The following ASIC2 variants were observed in gnomAD, a reference collection of about 807,000 sequenced individuals.
The protein encoded by ASIC2 is acid-sensing ion channel 2.
In ASIC2, 25 loss-of-function variants were observed where a neutral mutation model predicts 57.3. The observed-to-expected ratio is 0.44, with a 90% confidence interval of 0.32 to 0.61. ASIC2 has a LOEUF of 0.61. Ranked by LOEUF, ASIC2 falls within the 20% of genes least tolerant of loss-of-function variation. ASIC2 has a pLI of 0.06. For missense variants in ASIC2, 641 were observed against 738.1 expected, an observed-to-expected ratio of 0.87 and a Z score of 1.52; for synonymous variants, 319 against 307.5, an observed-to-expected ratio of 1.04 and a Z score of -0.39.
At chr17:33,855,940 G>A (rs1471313438) in intron 1 of ASIC2, among the ~76,000 whole-genome samples, 3 of 151,972 alleles carry the variant, frequency 2.0e-5, no homozygotes, top group Non-Finnish European at 2.9e-5. Flanking sequence ...GATATTAAGA[G>A]ATTAAAAAAT....
intron 1 of ASIC2, among the ~76,000 whole-genome samples, chr17:33,638,588 T>G (rs1022494296): frequency 1.3e-5 from 2 of 152,042 alleles, no homozygotes; most frequent in African/African-American, 4.8e-5. Flanking sequence ...ACACAAACAT[T>G]TATTTGTCAT....
chr17:33,831,559 T>C (rs1913111733), intron 1 of ASIC2, among the ~76,000 whole-genome samples: 1 of 150,954 alleles, frequency 6.6e-6, no homozygotes, highest in Non-Finnish European at 1.5e-5. Flanking sequence ...TATTACTTTC[T>C]TAAAATCTTT....
At chr17:33,526,314 G>T (rs572113023) in intron 1 of ASIC2, among the ~76,000 whole-genome samples, 1 of 152,194 alleles carries the variant, frequency 6.6e-6, no homozygotes, top group South Asian at 2.1e-4. Flanking sequence ...CAGGTGCTGG[G>T]GACGTCATTC....
chr17:33,734,269 C>T (rs1218009802), intron 1 of ASIC2, among the ~76,000 whole-genome samples: 1 of 151,134 alleles, frequency 6.6e-6, no homozygotes, highest in African/African-American at 2.4e-5. Flanking sequence ...TGTGGCCAGC[C>T]CTTCTTCCCT....
chr17:33,974,436 AT>A (rs1905311712), intron 1 of ASIC2, among the ~76,000 whole-genome samples: 1 of 151,382 alleles, frequency 6.6e-6, no homozygotes, highest in Non-Finnish European at 1.5e-5. Flanking sequence ...CTATCCCTGG[AT>A]TTTTCCTTGG....
intron 3 of ASIC2, among the ~76,000 whole-genome samples, chr17:33,087,233 C>T (rs150880517): frequency 7.9e-5 from 12 of 152,292 alleles, no homozygotes; most frequent in African/African-American, 2.6e-4. Flanking sequence ...TAGCCTTGAA[C>T]TTTGCCCCTG....
At chr17:33,790,538 T>C (rs982028678) in intron 1 of ASIC2, among the ~76,000 whole-genome samples, 8 of 152,242 alleles carry the variant, frequency 5.3e-5, no homozygotes, top group African/African-American at 1.9e-4. Context: ...TCATTCTCAC[T>C]TTCATTTACA....
chr17:33,917,543 C>T (rs188858634), intron 1 of ASIC2, among the ~76,000 whole-genome samples: 2 of 152,256 alleles, frequency 1.3e-5, no homozygotes, highest in East Asian at 3.9e-4. Context: ...ACTCTTGTTC[C>T]TGCTTTCCTT....
chr17:33,973,415 A>C (rs1905278069), intron 1 of ASIC2, among the ~76,000 whole-genome samples: 1 of 152,204 alleles, frequency 6.6e-6, no homozygotes, highest in Non-Finnish European at 1.5e-5. Flanking sequence ...CTGTGCTTAA[A>C]GAGCCCTGGC....
chr17:34,016,016 C>T (rs1017466650), intron 1 of ASIC2, among the ~76,000 whole-genome samples: 1 of 152,178 alleles, frequency 6.6e-6, no homozygotes, highest in African/African-American at 2.4e-5. Flanking sequence ...ATAAATGTAC[C>T]TCTCAAAACA....
chr17:33,805,138 C>A (rs1912234022), intron 1 of ASIC2, among the ~76,000 whole-genome samples: 1 of 152,166 alleles, frequency 6.6e-6, no homozygotes, highest in Non-Finnish European at 1.5e-5. Flanking sequence ...TGGTCTGATG[C>A]TTCTGAATTC....
intron 1 of ASIC2, among the ~76,000 whole-genome samples, chr17:33,716,789 A>G (rs1319478557): frequency 6.6e-6 from 1 of 152,168 alleles, no homozygotes; most frequent in East Asian, 1.9e-4. Flanking sequence ...TTTGAATATC[A>G]TTGTATGGAT....
intron 1 of ASIC2, among the ~76,000 whole-genome samples, chr17:33,475,755 C>A (rs1165521106): frequency 6.6e-6 from 1 of 152,208 alleles, no homozygotes; most frequent in Non-Finnish European, 1.5e-5. Context: ...TGAGGGAAAG[C>A]AAGCGGCCTT....
intron 1 of ASIC2, among the ~76,000 whole-genome samples, chr17:33,990,340 T>G (rs1905961749): frequency 1.3e-5 from 2 of 152,204 alleles, no homozygotes; most frequent in Non-Finnish European, 2.9e-5. Context: ...AACAGATAGA[T>G]GCTCAACAAA....
intron 1 of ASIC2, among the ~76,000 whole-genome samples, chr17:33,401,549 G>C (rs1396678952): frequency 6.6e-6 from 1 of 152,174 alleles, no homozygotes; most frequent in Non-Finnish European, 1.5e-5. Context: ...TACAACCTCA[G>C]CTCTAACTCT....
chr17:33,856,552 G>GTGATAGTTTTAT (rs1555567024), intron 1 of ASIC2, among the ~76,000 whole-genome samples: 1 of 147,000 alleles, frequency 6.8e-6, no homozygotes, highest in Non-Finnish European at 1.5e-5. Flanking sequence ...GGCAGTAGCA[G>GTGATAGTTTTAT]CATCAGTAGA....
At chr17:34,004,068 C>T (rs547030070) in intron 1 of ASIC2, 2 of 152,376 alleles carry the variant, frequency 1.3e-5, no homozygotes, top group South Asian at 4.1e-4. Flanking sequence ...TTCCTTCCTA[C>T]TCTGGTTACC....
At chr17:33,380,245 C>CAAAAAAAAAAAAAAAAA (rs10586872) in intron 1 of ASIC2, among the ~76,000 whole-genome samples, 18 of 71,054 alleles carry the variant, frequency 2.5e-4, no homozygotes, top group South Asian at 7.6e-4. Flanking sequence ...AACCCTGTCT[C>CAAAAAAAAAAAAAAAAA]AAAAAAAAAA....
chr17:33,710,173 C>T (rs542202486), intron 1 of ASIC2, among the ~76,000 whole-genome samples: 16 of 152,340 alleles, frequency 1.1e-4, no homozygotes, highest in Admixed American at 2.6e-4. Context: ...TCACTGCCAA[C>T]GGCAAGCCAT....
Sources: gnomAD v4.1 joint callset for allele counts (sites outside exome capture counted in the v4.1 genomes callset) on GRCh38, gnomAD v4.1.1 for gene constraint, MANE v1.5 for transcripts, NCBI Gene and HGNC (gene_info 2026-07-23, HGNC 2026-07-21) for gene names.